Variants in PDIA6 observed in about 807,000 individuals in gnomAD.
PDIA6 encodes the protein protein disulfide-isomerase A6.
PDIA6 carries 29 observed loss-of-function variants against 58.4 expected under a neutral mutation model. The observed-to-expected ratio is 0.50, with a 90% CI of 0.37 to 0.68. The LOEUF (loss-of-function observed/expected upper bound fraction) is 0.68, where lower values mean the gene tolerates loss of function less well. Ranked by LOEUF, PDIA6 falls within the 30% of genes least tolerant of loss-of-function variation. The pLI is 0.00. For missense variants in PDIA6, 480 were observed against 551.0 expected, an observed-to-expected ratio of 0.87 and a Z score of 1.29; for synonymous variants, 192 against 202.6, an observed-to-expected ratio of 0.95 and a Z score of 0.44.
At chr2:10,835,016 C>A (rs951613631), upstream of PDIA6, among the ~76,000 whole-genome samples, 1 of 152,254 alleles carries the variant, frequency 6.6e-6, no homozygotes, top group South Asian at 2.1e-4. Context: ...GATCCACCTG[C>A]CTCAGCCTCC....
intron 4 of PDIA6, among the ~76,000 whole-genome samples, chr2:10,794,199 A>G (rs2148542129): frequency 6.6e-6 from 1 of 152,246 alleles, no homozygotes; most frequent in South Asian, 2.1e-4. Flanking sequence ...GGATCTCAGC[A>G]CTTTGGGAGG....
chr2:10,831,949 C>T (rs912136064), intron 1 of PDIA6, among the ~76,000 whole-genome samples: 1 of 137,550 alleles, frequency 7.3e-6, no homozygotes, highest in Admixed American at 8.5e-5. Flanking sequence ...GCGGGCAAGC[C>T]AGGGTCCCCT....
intron 1 of PDIA6, among the ~76,000 whole-genome samples, chr2:10,806,516 C>G (rs568351345): frequency 6.7e-6 from 1 of 150,060 alleles, no homozygotes; most frequent in Non-Finnish European, 1.5e-5. Flanking sequence ...TGGCTCACAC[C>G]TATAATCCCA....
chr2:10,796,092 C>T (rs1031081231), intron 4 of PDIA6, among the ~76,000 whole-genome samples: 7 of 144,098 alleles, frequency 4.9e-5, no homozygotes, highest in African/African-American at 2.0e-4. Flanking sequence ...GACGGAGTCT[C>T]GCTCTGTCGC....
chr2:10,832,459 C>T, exon 1 of PDIA6: 1 of 985,408 alleles, frequency 1.0e-6, no homozygotes, highest in Non-Finnish European at 1.2e-6. Flanking sequence ...GCCAGGAGAC[C>T]TAACCTTGCA....
At chr2:10,798,012 C>T (rs536465189) in intron 2 of PDIA6, among the ~76,000 whole-genome samples, 1 of 152,012 alleles carries the variant, frequency 6.6e-6, no homozygotes, top group South Asian at 2.1e-4. Context: ...ATGGTGAAAC[C>T]CCGTCTCTAA....
chr2:10,806,330 A>G (rs2464818), intron 1 of PDIA6, among the ~76,000 whole-genome samples: 67,525 of 146,790 alleles, frequency 0.46, 16,960 homozygotes, highest in Middle Eastern at 0.58. Context: ...GCTGTGATGC[A>G]CCACTCACTC....
intron 7 of PDIA6, 21 bp from the exon 8 acceptor site, chr2:10,789,910 G>C (rs148210756): frequency 2.5e-4 from 406 of 1,600,312 alleles, no homozygotes; most frequent in Admixed American, 2.2e-3. Flanking sequence ...AAGGTCAGAG[G>C]ATAAAATCCA....
At chr2:10,807,309 T>G (rs1188999820) in intron 1 of PDIA6, among the ~76,000 whole-genome samples, 1 of 152,220 alleles carries the variant, frequency 6.6e-6, no homozygotes, top group African/African-American at 2.4e-5. Context: ...CCTCCTGGGC[T>G]CAAGTGATCC....
In PDIA6 at chr2:10,837,661, T is replaced by C. The variant is rs1667856288; in HGVS notation, c.-56A>G. 4.7e-6 allele frequency: 7 copies of C among 1,487,812 alleles called. No individual in the cohort carries two copies. In the Admixed American group the frequency reaches 9.9e-5, roughly 21 times the overall value. The allele number at this position is 1,487,812 out of a possible 1,614,324, so 92.2% of individuals were successfully genotyped here. A position where few individuals can be genotyped will look rare whatever the true frequency, so the allele number is the denominator to read the frequency against. ...TGCAGCTTGTTCAGGGGCTCCAAGC[T>C]TCTAGGTGGCAGAGCTGGGTCTCAA... On this transcript the variant is annotated 5_prime_UTR_variant, in exon 1 of 14. Coordinates refer to the PDIA6 transcript ENST00000404824.
intron 1 of PDIA6, chr2:10,820,641 T>C (rs1019809779): frequency 1.7e-6 from 1 of 590,616 alleles, no homozygotes; most frequent in Non-Finnish European, 3.0e-6. Context: ...AGCTGTTTTT[T>C]GTTAGAAGGG....
chr2:10,798,573 C>CAAA (rs71392259), intron 2 of PDIA6, among the ~76,000 whole-genome samples: 4 of 133,190 alleles, frequency 3.0e-5, no homozygotes, highest in African/African-American at 9.0e-5. Context: ...GTCCCCCACC[C>CAAA]AAAAAAAAAA....
intron 8 of PDIA6, among the ~76,000 whole-genome samples, chr2:10,789,372 G>C (rs1665929297): frequency 6.6e-6 from 1 of 151,988 alleles, no homozygotes; most frequent in Admixed American, 6.6e-5. Context: ...ATTAAAAACA[G>C]TATCTACCTC....
chr2:10,800,511 A>T (rs546017363), intron 2 of PDIA6, among the ~76,000 whole-genome samples: 1 of 133,990 alleles, frequency 7.5e-6, no homozygotes, highest in South Asian at 2.7e-4. Context: ...TTCAATAATC[A>T]TATTTCCATA....
At chr2:10,803,911 GTTTTTT>G (rs754643092) in intron 1 of PDIA6, among the ~76,000 whole-genome samples, 1 of 117,892 alleles carries the variant, frequency 8.5e-6, no homozygotes, top group Non-Finnish European at 1.8e-5. Context: ...TAGTTTTTGT[GTTTTTT>G]TTTTTTTTTG....
chr2:10,791,293 G>A (rs975055878), intron 6 of PDIA6, among the ~76,000 whole-genome samples: 40 of 151,614 alleles, frequency 2.6e-4, no homozygotes, highest in African/African-American at 9.7e-4. Flanking sequence ...ACAGGCACAC[G>A]CCACCACACC....
chr2:10,831,783 G>A (rs1487576619), intron 1 of PDIA6, among the ~76,000 whole-genome samples: 3 of 152,028 alleles, frequency 2.0e-5, no homozygotes, highest in Admixed American at 6.5e-5. Context: ...CCCAGCTCCC[G>A]GCCGTAGTCA....
chr2:10,789,988 T>G (rs1665958905), intron 7 of PDIA6, 99 bp from the exon 8 acceptor site: 1 of 1,061,416 alleles, frequency 9.4e-7, no homozygotes, highest in Non-Finnish European at 1.3e-6. Flanking sequence ...TAATTTTTTT[T>G]TTTTTTTTTT....
rs1372791702 is a variant in PDIA6 at position 10,784,321 on chromosome 2, G to A, written c.1260C>T (p.Pro420=). The part of the protein sequence containing the change: ...EPWDGRDGEL[P]VEDDIDLSDV... ...CACTGAGGTCAATGTCATCCTCCAC[G>A]GGAAGCTGGGAGACGACAGAAAGCC... is the stretch of plus-strand genomic sequence containing the variant. The change falls in exon 13 of 13, where the codon CCC becomes CCT. Residue 420 remains proline, a synonymous_variant. Transcript: ENST00000272227. 2.1e-5 allele frequency: 34 copies of A among 1,612,146 alleles called. No individual in the cohort carries two copies. Among genetic ancestry groups the A allele is most frequent in the Non-Finnish European group, 2.8e-5 (33 of 1,179,416 alleles).
Sources: allele counts gnomAD v4.1 joint callset (sites outside exome capture counted in the v4.1 genomes callset), GRCh38; gene constraint gnomAD v4.1.1; transcripts MANE v1.5; gene names NCBI Gene and HGNC (gene_info 2026-07-23, HGNC 2026-07-21).